The following ZNF519 variants were observed in gnomAD, a reference collection of about 807,000 sequenced individuals.
ZNF519 encodes the protein zinc finger protein 519, also known as similar to Zinc finger protein 85 (Zinc finger protein HPF4) (HTF1).
Under a neutral mutation model 7.4 loss-of-function variants are expected in ZNF519, and 7 were observed. The ratio of observed to expected loss-of-function variants is 0.94; its 90% CI spans 0.54 to 1.77. The LOEUF (loss-of-function observed/expected upper bound fraction) is 1.77, where lower values mean the gene tolerates loss of function less well. ZNF519 is among the 40% of genes most tolerant of loss of function. The pLI is 0.00. For synonymous variants in ZNF519, 179 were observed against 203.3 expected (o/e 0.88, Z 1.02); for missense variants, 586 against 623.1 (o/e 0.94, Z 0.63).
chr18:14,088,385 G>C (rs1194670627), intron 2 of ZNF519, among the ~76,000 whole-genome samples: 1 of 152,168 alleles, frequency 6.6e-6, no homozygotes, highest in Non-Finnish European at 1.5e-5. Flanking sequence ...CAAGGGGAAA[G>C]TCTGGTTTTC....
downstream of ZNF519, among the ~76,000 whole-genome samples, chr18:14,095,584 A>G (rs964359690): frequency 9.9e-5 from 15 of 152,190 alleles, 1 homozygote; most frequent in Non-Finnish European, 2.1e-4. Flanking sequence ...AGTGATACAA[A>G]TAAGGACAAG....
Position 14,101,598 on chromosome 18 carries a change from A to G in ZNF519, c.*3319T>C, listed in dbSNP as rs2046161643. The G allele has an allele frequency of 5.0e-6, 2 of 398,394 alleles. No individual in the cohort carries two copies. Among genetic ancestry groups the G allele is most frequent in the African/African-American group, 4.1e-5 (2 of 48,730 alleles). 24.7% of individuals were successfully genotyped at this position (398,394 alleles called of 1,614,324 possible). On this transcript the variant is annotated 3_prime_UTR_variant, in exon 3 of 3. Transcript: ENST00000590202. ...AAGGCACAAAGTCCTGTGAGTCATC[A>G]AGGTGGAGTCCTGGCAGAAGGCCTT...
At position 14,108,216 on chromosome 18, in the gene ZNF519, G is replaced by A. The variant is rs1422079976; in HGVS notation, c.131-1807C>T. 6.6e-5 allele frequency among the ~76,000 whole-genome samples: 10 copies of A among 152,256 alleles called. No homozygotes were observed. In the East Asian group the frequency reaches 1.5e-3, roughly 24 times the overall value. On this transcript the variant is annotated intron_variant, in intron 2 of 2. Transcript: ENST00000590202. The stretch of plus-strand genomic sequence containing the variant: ...GACAAACTCCTAGGCAGGCAGGGAT[G>A]GGTCCTTGGTGAAACTCGACCTTCG...
At chr18:14,117,941 T>A (rs923908892) in intron 2 of ZNF519, among the ~76,000 whole-genome samples, 37 of 152,182 alleles carry the variant, frequency 2.4e-4, no homozygotes, top group Admixed American at 2.2e-3. Context: ...CAATCTTAGA[T>A]GAGATTTAAA....
intron 3 of ZNF519, chr18:14,082,246 A>C (rs1479489925): frequency 6.6e-6 from 1 of 152,212 alleles, no homozygotes; most frequent in Non-Finnish European, 1.5e-5. Flanking sequence ...ATTATATCTC[A>C]GAATAAAATA....
chr18:14,092,251 G>A (rs1296885321), intron 2 of ZNF519, among the ~76,000 whole-genome samples: 2 of 152,050 alleles, frequency 1.3e-5, no homozygotes, highest in African/African-American at 2.4e-5. Context: ...CAGGATAAGG[G>A]GTCAGGCCTC....
chr18:14,115,228 C>T (rs2046240412), intron 2 of ZNF519, among the ~76,000 whole-genome samples: 2 of 152,202 alleles, frequency 1.3e-5, no homozygotes, highest in African/African-American at 2.4e-5. Context: ...GAGAAACTCC[C>T]AACTCTATGT....
At chr18:14,117,018 A>G (rs1346767577) in intron 2 of ZNF519, among the ~76,000 whole-genome samples, 1 of 152,194 alleles carries the variant, frequency 6.6e-6, no homozygotes, top group Non-Finnish European at 1.5e-5. Flanking sequence ...TCTCAAAATA[A>G]TAATAATATA....
intron 2 of ZNF519, among the ~76,000 whole-genome samples, chr18:14,086,118 A>C (rs1213105764): frequency 6.6e-6 from 1 of 152,182 alleles, no homozygotes; most frequent in East Asian, 1.9e-4. Context: ...ACTGGAGGGA[A>C]GGAAAGGAAA....
downstream of ZNF519, among the ~76,000 whole-genome samples, chr18:14,098,590 A>C (rs1172218874): frequency 6.6e-6 from 1 of 152,142 alleles, no homozygotes; most frequent in Non-Finnish European, 1.5e-5. Context: ...GACTTGTTAC[A>C]ATAGCCAGGG....
chr18:14,078,239 G>A (rs1344057348), exon 4 of ZNF519: 1 of 152,230 alleles, frequency 6.6e-6, no homozygotes, highest in East Asian at 1.9e-4. Flanking sequence ...GCCATGGACA[G>A]GTACTGGTCT....
chr18:14,100,093 G>A lies in ZNF519; in HGVS notation c.*4824C>T, dbSNP rs1455528651. On this transcript the variant is annotated 3_prime_UTR_variant, in exon 3 of 3. Transcript: ENST00000590202. ...CAGAGATAATAGGCAGATGTCATAT[G>A]AGAACATTAAATAAAGTTCAACATT... 1 of 152,066 alleles carries A rather than the reference G, an allele frequency of 6.6e-6. No homozygotes were observed. 9.4% of individuals were successfully genotyped at this position (152,066 alleles called of 1,614,324 possible).
intron 3 of ZNF519, among the ~76,000 whole-genome samples, chr18:14,081,806 C>A (rs1183473143): frequency 6.6e-6 from 1 of 151,976 alleles, no homozygotes; most frequent in Non-Finnish European, 1.5e-5. Flanking sequence ...TCGAATTAAT[C>A]CTTATAAATA....
intron 2 of ZNF519, among the ~76,000 whole-genome samples, chr18:14,116,992 C>T (rs902450898): frequency 5.9e-5 from 9 of 152,046 alleles, no homozygotes; most frequent in Non-Finnish European, 7.4e-5. Flanking sequence ...GCATGGGCAA[C>T]GAGAGCAAAA....
At chr18:14,083,085 C>T (rs1367721198) in intron 3 of ZNF519, among the ~76,000 whole-genome samples, 2 of 152,198 alleles carry the variant, frequency 1.3e-5, no homozygotes, top group Admixed American at 6.5e-5. Flanking sequence ...TGCAGTGGCT[C>T]ACGCCTATAA....
At chr18:14,097,514 C>T (rs1024686994), downstream of ZNF519, among the ~76,000 whole-genome samples, 2 of 152,114 alleles carry the variant, frequency 1.3e-5, no homozygotes, top group African/African-American at 2.4e-5. Context: ...AATAACCTGG[C>T]GTTGAAGGTG....
chr18:14,098,492 CATT>C (rs2046146848), downstream of ZNF519, among the ~76,000 whole-genome samples: 1 of 151,962 alleles, frequency 6.6e-6, no homozygotes, highest in Non-Finnish European at 1.5e-5. Flanking sequence ...GTATTCCCAT[CATT>C]AACTGCACTG....
intron 2 of ZNF519, among the ~76,000 whole-genome samples, chr18:14,117,922 T>C (rs1209828014): frequency 1.9e-4 from 29 of 152,142 alleles, no homozygotes; most frequent in Admixed American, 1.9e-3. Flanking sequence ...CCTCCAACAT[T>C]AGAAACTGCA....
At chr18:14,116,788 C>T (rs1030782978) in intron 2 of ZNF519, among the ~76,000 whole-genome samples, 1 of 152,306 alleles carries the variant, frequency 6.6e-6, no homozygotes, top group Non-Finnish European at 1.5e-5. Context: ...AGGCAGATTA[C>T]TTGAGGTCAG....
Sources: allele counts gnomAD v4.1 joint callset (sites outside exome capture counted in the v4.1 genomes callset), GRCh38; gene constraint gnomAD v4.1.1; transcripts MANE v1.5; gene names NCBI Gene and HGNC (gene_info 2026-07-23, HGNC 2026-07-21).